DMRT1: variants seen among roughly 807,000 people sequenced by gnomAD.
The protein encoded by DMRT1 is doublesex and mab-3 related transcription factor 1.
DMRT1 carries 7 observed loss-of-function variants against 32.3 expected under a neutral mutation model. That is an observed-to-expected ratio of 0.22 (90% CI 0.12 to 0.41). DMRT1 has a LOEUF of 0.41. DMRT1 is among the 10% of genes least tolerant of loss of function. The probability of loss-of-function intolerance (pLI) is 1.00; values close to 1 mark genes in which losing one functional copy is unlikely to be tolerated. For missense variants in DMRT1, 625 were observed against 500.5 expected, an observed-to-expected ratio of 1.25 and a Z score of -2.37; for synonymous variants, 278 against 206.1, an observed-to-expected ratio of 1.35 and a Z score of -2.99.
Position 847,125 on chromosome 9 carries a change from C to T in DMRT1, c.520C>T (p.Pro174Ser), listed in dbSNP as rs1457010799. The T allele has an allele frequency of 3.1e-6, 5 of 1,613,070 alleles. No individual in the cohort carries two copies. In the South Asian group the frequency reaches 5.5e-5, roughly 18 times the overall value. The change falls in exon 2 of 5, where the codon CCC becomes TCC. Residue 174 changes from proline (P) to serine (S), a missense_variant. By Grantham distance (74) the Pro-to-Ser change is moderately conservative. Transcript: ENST00000382276. ...CTCTCAGCCACCGCCGGCCAGTGTC[C>T]CCACCACTGCAGCTTCAGGTAATCT... ...GTSQPPPASVPTTAASEGRMV... is the reference protein window; with the variant it reads ...GTSQPPPASVSTTAASEGRMV...
At chr9:866,163 C>CAAAAA (rs71327351) in intron 2 of DMRT1, among the ~76,000 whole-genome samples, 530 of 52,536 alleles carry the variant, frequency 0.01, 53 homozygotes, top group South Asian at 0.026. Context: ...GAGTCCATCT[C>CAAAAA]AAAAAAAAAA....
intron 2 of DMRT1, among the ~76,000 whole-genome samples, chr9:892,094 T>G (rs2132648877): frequency 6.6e-6 from 1 of 152,260 alleles, no homozygotes; most frequent in East Asian, 1.9e-4. Context: ...ATCTGCTCCT[T>G]TCATCATGGT....
chr9:890,761 C>T (rs1354197444), intron 2 of DMRT1, among the ~76,000 whole-genome samples: 1 of 152,164 alleles, frequency 6.6e-6, no homozygotes, highest in African/African-American at 2.4e-5. Context: ...GTCACCCAGG[C>T]TGGAGTGCAG....
chr9:908,839 C>G (rs1282621912), intron 3 of DMRT1, among the ~76,000 whole-genome samples: 1 of 152,166 alleles, frequency 6.6e-6, no homozygotes, highest in Non-Finnish European at 1.5e-5. Context: ...TTTCCCCTCC[C>G]ACCTCTCCTG....
chr9:912,724 C>T (rs1818032519), intron 3 of DMRT1, among the ~76,000 whole-genome samples: 1 of 151,922 alleles, frequency 6.6e-6, no homozygotes, highest in Admixed American at 6.6e-5. Context: ...GGATCTCGTA[C>T]TTCCAAGGTA....
chr9:961,200 C>G (rs753970456), intron 4 of DMRT1, among the ~76,000 whole-genome samples: 1 of 152,166 alleles, frequency 6.6e-6, no homozygotes, highest in East Asian at 1.9e-4. Context: ...TGGAATGCCT[C>G]GTTTTAATTC....
At position 846,925 on chromosome 9, in the gene DMRT1, G is replaced by A. The variant is rs116726483; in HGVS notation, c.355-35G>A. On this transcript the variant is annotated intron_variant, in intron 1 of 4. Coordinates refer to ENST00000382276, the MANE Select transcript of DMRT1 (RefSeq NM_021951.3). The stretch of plus-strand genomic sequence containing the variant: ...GTGTTTTGGCAAAGCTGATTCTGGA[G>A]TGCTGGAGGATGACTCATTGTCGTG... 3.4e-4 allele frequency: 554 copies of A among 1,613,724 alleles called. 1 individual carries two copies. In the African/African-American group the frequency reaches 6.8e-3, roughly 20 times the overall value.
intron 2 of DMRT1, among the ~76,000 whole-genome samples, chr9:865,400 T>A (rs1815936508): frequency 6.6e-6 from 1 of 152,186 alleles, no homozygotes; most frequent in Non-Finnish European, 1.5e-5. Context: ...CTTGTAGAAT[T>A]GTTAGAGTGC....
intron 2 of DMRT1, among the ~76,000 whole-genome samples, chr9:876,911 G>A (rs1243427688): frequency 1.6e-5 from 2 of 124,016 alleles, no homozygotes; most frequent in Non-Finnish European, 3.1e-5. Flanking sequence ...ACAAGTGTGA[G>A]GTCTCAGAAG....
At chr9:945,786 T>C (rs1048177858) in intron 4 of DMRT1, among the ~76,000 whole-genome samples, 3 of 151,796 alleles carry the variant, frequency 2.0e-5, no homozygotes, top group African/African-American at 7.3e-5. Flanking sequence ...AATACAGTGT[T>C]ATGGCCTACT....
chr9:867,469 A>G (rs1816041674), intron 2 of DMRT1, among the ~76,000 whole-genome samples: 2 of 152,222 alleles, frequency 1.3e-5, no homozygotes, highest in Admixed American at 1.3e-4. Context: ...TAACCCGAGT[A>G]GCTCTCATTT....
intron 4 of DMRT1, among the ~76,000 whole-genome samples, chr9:954,351 G>A (rs1368773544): frequency 6.6e-6 from 1 of 152,050 alleles, no homozygotes; most frequent in Non-Finnish European, 1.5e-5. Context: ...GAGAAGGCGC[G>A]AGGGGATGAG....
At chr9:864,603 A>T (rs1450762818) in intron 2 of DMRT1, among the ~76,000 whole-genome samples, 1 of 147,600 alleles carries the variant, frequency 6.8e-6, no homozygotes. Context: ...GGCTCATGCC[A>T]TTCTCCTTCC....
At chr9:961,955 G>A (rs747474961) in intron 4 of DMRT1, among the ~76,000 whole-genome samples, 3 of 152,198 alleles carry the variant, frequency 2.0e-5, no homozygotes, top group Non-Finnish European at 4.4e-5. Context: ...AGGTACCAGA[G>A]GAGTTTTCTT....
At chr9:865,858 G>A (rs1815959012) in intron 2 of DMRT1, among the ~76,000 whole-genome samples, 1 of 151,992 alleles carries the variant, frequency 6.6e-6, no homozygotes, top group Admixed American at 6.6e-5. Context: ...TTAGCCATCT[G>A]TCATCCTTTC....
At chr9:911,470 A>ATTTTTTGTTTTT (rs1817978994) in intron 3 of DMRT1, among the ~76,000 whole-genome samples, 2 of 66,948 alleles carry the variant, frequency 3.0e-5, no homozygotes, top group African/African-American at 7.7e-5. Flanking sequence ...GGTTAATTGC[A>ATTTTTTGTTTTT]TTTTTTTTTT....
At chr9:911,376 G>C (rs1010147173) in intron 3 of DMRT1, among the ~76,000 whole-genome samples, 9 of 150,412 alleles carry the variant, frequency 6.0e-5, no homozygotes, top group Admixed American at 4.6e-4. Flanking sequence ...GCCAAAAGTA[G>C]CAGGGTTGTG....
In DMRT1 at chr9:886,536, G is replaced by A. The variant is rs187515384; in HGVS notation, c.539-7376G>A. On this transcript the variant is annotated intron_variant, in intron 2 of 4. Transcript: ENST00000382276. ...CTCCCAAAGTGTTGGGATTACACGC[G>A]TGAGCCACCGTGTACGGCCAAACTG... 4.0e-3 allele frequency among the ~76,000 whole-genome samples: 602 copies of A among 152,076 alleles called. 3 individuals are homozygous for A. The highest frequency in any genetic ancestry group is 0.014 in the African/African-American group (581 of 41,502).
chr9:870,709 CTTTTT>C lies in DMRT1; in HGVS notation c.539-23187_539-23183del, dbSNP rs58893896. The stretch of plus-strand genomic sequence containing the variant: ...GTTCCCATATTTCTCATTTTCTTGA[CTTTTT>C]TTTTTTTTTTTTTTTGAGACAGGGT... On this transcript the variant is annotated intron_variant, in intron 2 of 4. Coordinates refer to ENST00000382276, the MANE Select transcript of DMRT1 (RefSeq NM_021951.3). 6.5e-3 allele frequency among the ~76,000 whole-genome samples: 454 copies of C among 69,574 alleles called. 10 individuals carry two copies. The highest frequency in any genetic ancestry group is 0.029 in the African/African-American group (440 of 15,272). 45.6% of individuals were successfully genotyped at this position (69,574 alleles called of 152,430 possible).
Sources: gnomAD v4.1 joint callset for allele counts (sites outside exome capture counted in the v4.1 genomes callset) on GRCh38, gnomAD v4.1.1 for gene constraint, MANE v1.5 for transcripts, NCBI Gene and HGNC (gene_info 2026-07-23, HGNC 2026-07-21) for gene names.